The following UGT2B4 variants were observed in gnomAD, a reference collection of about 807,000 sequenced individuals.
The protein encoded by UGT2B4 is UDP glucuronosyltransferase family 2 member B4, also known as UDP-glucuronosyltransferase 2B4.
In UGT2B4, 49 loss-of-function variants were observed where a neutral mutation model predicts 49.8. The ratio of observed to expected loss-of-function variants is 0.98; its 90% CI spans 0.78 to 1.25. The LOEUF is 1.25. Among genes scored for constraint, UGT2B4 ranks in the 50% most tolerant of loss-of-function variants. The pLI, the probability that UGT2B4 is intolerant of heterozygous loss-of-function variation, is 0.00. For synonymous variants in UGT2B4, 246 were observed against 217.7 expected (o/e 1.13, Z -1.14); for missense variants, 729 against 627.7 (o/e 1.16, Z -1.73).
intron 1 of UGT2B4, among the ~76,000 whole-genome samples, chr4:69,513,873 C>T (rs1050832560): frequency 6.8e-4 from 104 of 152,216 alleles, no homozygotes; most frequent in African/African-American, 2.4e-3. Flanking sequence ...TGGCTCTCTG[C>T]TTCCCTGCTG....
At chr4:69,485,576 T>A in intron 4 of UGT2B4, 149 bp from the exon 5 acceptor site, 3 of 1,084,828 alleles carry the variant, frequency 2.8e-6, no homozygotes, top group Non-Finnish European at 4.0e-6. Context: ...GAACGCCTAC[T>A]TCTGCTGGAG....
chr4:69,520,018 T>C (rs919109398), intron 1 of UGT2B4, among the ~76,000 whole-genome samples: 1 of 152,220 alleles, frequency 6.6e-6, no homozygotes, highest in Non-Finnish European at 1.5e-5. Context: ...AGCTATAAAT[T>C]TTATGTTTAG....
intron 5 of UGT2B4, among the ~76,000 whole-genome samples, chr4:69,481,546 T>C (rs1414138484): frequency 1.3e-5 from 2 of 152,170 alleles, no homozygotes; most frequent in Non-Finnish European, 2.9e-5. Context: ...TGTGGTTACA[T>C]AGTAGGGGTA....
At chr4:69,513,392 G>A (rs1195747192) in intron 1 of UGT2B4, among the ~76,000 whole-genome samples, 1 of 152,076 alleles carries the variant, frequency 6.6e-6, no homozygotes, top group Non-Finnish European at 1.5e-5. Context: ...TCAGATGGTT[G>A]TAGGTGTGCA....
At position 69,485,368 on chromosome 4, in the gene UGT2B4, T is replaced by C. The variant is rs1351847778; in HGVS notation, c.1150A>G (p.Ile384Val). 1 of 1,613,956 alleles carries C rather than the reference T, an allele frequency of 6.2e-7. No homozygotes were observed. The highest frequency in any genetic ancestry group is 2.2e-5 in the East Asian group (1 of 44,876). Residue 384 changes from isoleucine (I) to valine (V), a missense_variant, in exon 5 of 6, where the codon ATC (isoleucine) becomes GTC (valine). By Grantham distance (29) the Ile-to-Val change is conservative. Transcript: ENST00000305107. ...CCCACCATAGGGATTCCATGGTAGA[T>C]TGCCTCATAGATGCCATTGGCTCCA... Reference protein sequence around the residue: ...HGGANGIYEAIYHGIPMVGVP... With the variant: ...HGGANGIYEAVYHGIPMVGVP...
chr4:69,491,921 T>C (rs1427090514), intron 2 of UGT2B4, among the ~76,000 whole-genome samples: 1 of 152,116 alleles, frequency 6.6e-6, no homozygotes, highest in African/African-American at 2.4e-5. Flanking sequence ...CAGTTTCATG[T>C]TGCTGTTAAT....
chr4:69,513,235 T>G (rs1485203487), intron 1 of UGT2B4, among the ~76,000 whole-genome samples: 2 of 152,236 alleles, frequency 1.3e-5, no homozygotes, highest in African/African-American at 2.4e-5. Flanking sequence ...TTTAAATCTT[T>G]AATCCATCTT....
At chr4:69,506,468 A>G (rs1728470712) in intron 1 of UGT2B4, among the ~76,000 whole-genome samples, 1 of 152,152 alleles carries the variant, frequency 6.6e-6, no homozygotes, top group African/African-American at 2.4e-5. Flanking sequence ...CAAGAACTAC[A>G]AAATGTAGAA....
At chr4:69,497,221 G>A (rs967698724), upstream of UGT2B4, among the ~76,000 whole-genome samples, 1 of 152,186 alleles carries the variant, frequency 6.6e-6, no homozygotes, top group Non-Finnish European at 1.5e-5. Flanking sequence ...GATGCCAGCT[G>A]CTCTCAAGGA....
chr4:69,490,450 C>T (rs1577885531), intron 2 of UGT2B4, among the ~76,000 whole-genome samples: 2 of 152,024 alleles, frequency 1.3e-5, no homozygotes, highest in East Asian at 3.9e-4. Context: ...CGAGAGACTG[C>T]CAGAACTTTC....
chr4:69,507,669 G>C (rs1166408538), intron 1 of UGT2B4, among the ~76,000 whole-genome samples: 1 of 151,934 alleles, frequency 6.6e-6, no homozygotes, highest in African/African-American at 2.4e-5. Flanking sequence ...TAGAACACTA[G>C]AACTGGATCC....
intron 1 of UGT2B4, chr4:69,525,626 G>A (rs10021990): frequency 4.6e-6 from 5 of 1,077,372 alleles, no homozygotes; most frequent in Non-Finnish European, 3.7e-6. Context: ...ATCTACTCAG[G>A]TATCTATGCA....
intron 5 of UGT2B4, among the ~76,000 whole-genome samples, 170 bp from the exon 6 acceptor site, chr4:69,481,080 A>G (rs1024708767): frequency 7.6e-6 from 1 of 131,642 alleles, no homozygotes; most frequent in African/African-American, 2.9e-5. Flanking sequence ...CCCCGTCTCC[A>G]GTAAAAATAT....
chr4:69,512,734 G>GTTTGT (rs947706620), intron 1 of UGT2B4, among the ~76,000 whole-genome samples: 1 of 151,802 alleles, frequency 6.6e-6, no homozygotes, highest in East Asian at 1.9e-4. Flanking sequence ...TTGTTTGTTT[G>GTTTGT]TTTGTTTTGT....
upstream of UGT2B4, among the ~76,000 whole-genome samples, chr4:69,496,537 A>G (rs560609815): frequency 4.1e-4 from 62 of 152,234 alleles, no homozygotes; most frequent in Admixed American, 1.3e-4. Context: ...CAGATATCAT[A>G]CAAATTATCA....
Position 69,480,412 on chromosome 4 carries a change from T to C in UGT2B4, c.*222A>G, listed in dbSNP as rs1560429630. On this transcript the variant is annotated 3_prime_UTR_variant, in exon 6 of 6. Transcript: ENST00000305107. ...CAATACATTTCAATATAACCTCATA[T>C]GGCTTTATATCATTTTTGTTTTCCC... 1 of 549,634 alleles carries C rather than the reference T, an allele frequency of 1.8e-6. No homozygotes were observed. The highest frequency in any genetic ancestry group is 3.4e-5 in the East Asian group (1 of 29,544). The allele number at this position is 549,634 out of a possible 1,614,324, so 34.0% of individuals were successfully genotyped here. A position where few individuals can be genotyped will look rare whatever the true frequency, so the allele number is the denominator to read the frequency against.
At chr4:69,510,151 A>T (rs1728571574) in intron 1 of UGT2B4, among the ~76,000 whole-genome samples, 1 of 152,206 alleles carries the variant, frequency 6.6e-6, no homozygotes, top group Non-Finnish European at 1.5e-5. Context: ...GTTGAAGATC[A>T]GTTGACTGTA....
upstream of UGT2B4, among the ~76,000 whole-genome samples, chr4:69,496,430 G>A (rs1728165303): frequency 6.6e-6 from 1 of 152,194 alleles, no homozygotes; most frequent in Non-Finnish European, 1.5e-5. Flanking sequence ...GAGTAGCAGT[G>A]AGAGGCTCAT....
At chr4:69,499,430 T>C (rs945441775), upstream of UGT2B4, among the ~76,000 whole-genome samples, 1 of 152,128 alleles carries the variant, frequency 6.6e-6, no homozygotes, top group Admixed American at 6.5e-5. Context: ...TAATTTTCTG[T>C]TTTGAAACTC....
Sources: allele counts gnomAD v4.1 joint callset (sites outside exome capture counted in the v4.1 genomes callset), GRCh38; gene constraint gnomAD v4.1.1; transcripts MANE v1.5; gene names NCBI Gene and HGNC (gene_info 2026-07-23, HGNC 2026-07-21).